The following STPG2 variants were observed in gnomAD, a reference collection of about 807,000 sequenced individuals.
STPG2 encodes the protein sperm-tail PG-rich repeat-containing protein 2.
A neutral mutation model predicts 54.2 loss-of-function variants in STPG2; 56 were observed. That is an observed-to-expected ratio of 1.03 (90% confidence interval 0.83 to 1.29). STPG2 has a LOEUF of 1.29. Ranked by LOEUF, STPG2 falls within the 50% of genes most tolerant of loss-of-function variation. The pLI, the probability that STPG2 is intolerant of heterozygous loss-of-function variation, is 0.00. For missense variants in STPG2, 596 were observed against 544.9 expected (o/e 1.09, Z -0.93); for synonymous variants, 200 against 181.8 (o/e 1.10, Z -0.81).
intron 8 of STPG2, among the ~76,000 whole-genome samples, chr4:97,876,262 T>C (rs760447465): frequency 1.2e-4 from 18 of 152,134 alleles, no homozygotes; most frequent in Non-Finnish European, 2.1e-4. Flanking sequence ...GTATTTACAA[T>C]GCACATTAGA....
At chr4:98,031,039 T>C (rs200849672) in intron 5 of STPG2, among the ~76,000 whole-genome samples, 1 of 152,108 alleles carries the variant, frequency 6.6e-6, no homozygotes, top group Non-Finnish European at 1.5e-5. Flanking sequence ...CAAAACAGCA[T>C]GGTACTGGTA....
At chr4:97,466,688 T>C (rs1414329263) in intron 4 of STPG2, among the ~76,000 whole-genome samples, 2 of 152,076 alleles carry the variant, frequency 1.3e-5, no homozygotes, top group Non-Finnish European at 2.9e-5. Flanking sequence ...TATTCATACC[T>C]TCCCAGAGTT....
At chr4:97,746,680 G>T (rs2149042167) in intron 9 of STPG2, among the ~76,000 whole-genome samples, 1 of 151,182 alleles carries the variant, frequency 6.6e-6, no homozygotes, top group Non-Finnish European at 1.5e-5. Context: ...GAAAGGAGGG[G>T]TTTAAGAGGT....
At chr4:97,869,888 T>C (rs1478719425) in intron 8 of STPG2, among the ~76,000 whole-genome samples, 1 of 151,590 alleles carries the variant, frequency 6.6e-6, no homozygotes, top group African/African-American at 2.4e-5. Context: ...TCACCAATAA[T>C]ATGACTTGCT....
chr4:97,991,472 T>C lies in STPG2; in HGVS notation c.613-10154A>G, dbSNP rs113544215. Among the ~76,000 whole-genome samples the C allele has an allele frequency of 5.3e-3, 794 of 150,782 alleles. 5 individuals carry two copies. Among genetic ancestry groups the C allele is most frequent in the African/African-American group, 0.018 (748 of 41,116 alleles). On this transcript the variant is annotated intron_variant, in intron 5 of 10. Coordinates refer to ENST00000295268, the MANE Select transcript of STPG2 (RefSeq NM_174952.3). ...GTGTGTGTGTGTGTATATATATATA[T>C]GTATATATACCACATTTTCTTTATC...
At chr4:97,591,462 G>T (rs1027433660) in intron 10 of STPG2, among the ~76,000 whole-genome samples, 3 of 152,152 alleles carry the variant, frequency 2.0e-5, no homozygotes, top group African/African-American at 7.2e-5. Flanking sequence ...AAGCAGACTT[G>T]CTTGATTTCT....
chr4:97,886,621 CTA>C (rs1370488385), intron 8 of STPG2, among the ~76,000 whole-genome samples: 1 of 152,146 alleles, frequency 6.6e-6, no homozygotes, highest in Non-Finnish European at 1.5e-5. Context: ...AAGGAAAAGA[CTA>C]TGCCTTCTTT....
rs543910818 is a variant in STPG2 at position 97,492,330 on chromosome 4, T to A, written c.462+220369A>T. Among the ~76,000 whole-genome samples, 5 of 151,580 alleles carry A rather than the reference T, an allele frequency of 3.3e-5. No homozygotes were observed. In the East Asian group the frequency reaches 9.7e-4, roughly 30 times the overall value. On this transcript the variant is annotated intron_variant, in intron 4 of 4. Transcript: ENST00000522676. ...CTTGCCAGTTTTGATCCCAGGAATGTCTTTCATGGGGACCTCTGAAAACAT... is the reference window on the plus strand; with the variant it reads ...CTTGCCAGTTTTGATCCCAGGAATGACTTTCATGGGGACCTCTGAAAACAT...
chr4:97,464,385 T>A (rs1219892632), intron 4 of STPG2, among the ~76,000 whole-genome samples: 3 of 152,128 alleles, frequency 2.0e-5, no homozygotes, highest in Non-Finnish European at 4.4e-5. Flanking sequence ...GTGCCACTGT[T>A]CATTCTGGAA....
At chr4:97,481,981 T>C (rs1730232888) in intron 4 of STPG2, among the ~76,000 whole-genome samples, 1 of 151,626 alleles carries the variant, frequency 6.6e-6, no homozygotes, top group Non-Finnish European at 1.5e-5. Context: ...AATCTTTTCG[T>C]ATAAATCATT....
chr4:97,635,596 G>A (rs1401031724), intron 10 of STPG2, among the ~76,000 whole-genome samples: 13 of 152,088 alleles, frequency 8.5e-5, no homozygotes, highest in Admixed American at 4.6e-4. Flanking sequence ...CAGGAAACCC[G>A]TCTCACGTGC....
chr4:98,005,441 G>T lies in STPG2; in HGVS notation c.613-24123C>A, dbSNP rs561859594. ...CAGTACTACATTAAATAGAAGTCAT[G>T]ATAATGAATATCCTTGTCTAGTTCT... is the stretch of plus-strand genomic sequence containing the variant. On this transcript the variant is annotated intron_variant, in intron 5 of 10. Transcript: ENST00000295268. Among the ~76,000 whole-genome samples the T allele has an allele frequency of 1.3e-5, 2 of 152,284 alleles. 1 individual carries two copies. Among genetic ancestry groups the T allele is most frequent in the South Asian group, 4.1e-4 (2 of 4,824 alleles).
chr4:97,605,438 T>C (rs1229894317), intron 10 of STPG2, among the ~76,000 whole-genome samples: 2 of 151,728 alleles, frequency 1.3e-5, no homozygotes, highest in Admixed American at 1.3e-4. Context: ...AAGTTTGTGC[T>C]AGTTGTCTAA....
intron 10 of STPG2, among the ~76,000 whole-genome samples, chr4:97,629,327 T>C (rs1578436209): frequency 6.6e-6 from 1 of 152,030 alleles, no homozygotes; most frequent in South Asian, 2.1e-4. Flanking sequence ...ATCAATGACT[T>C]TTATTAATAA....
At position 97,780,027 on chromosome 4, in the gene STPG2, G is replaced by T. The variant is rs560210936; in HGVS notation, c.1204+60746C>A. Among the ~76,000 whole-genome samples the T allele has an allele frequency of 8.7e-5, 13 of 148,586 alleles. 1 individual carries two copies. In the South Asian group the frequency reaches 2.8e-3, roughly 32 times the overall value. The stretch of plus-strand genomic sequence containing the variant: ...GCTAGGAAGAAACTGCATCAATAAC[G>T]AGCAAAATAACCAGCTAACATCAGA... On this transcript the variant is annotated intron_variant, in intron 9 of 10. Transcript: ENST00000295268.
intron 10 of STPG2, among the ~76,000 whole-genome samples, chr4:97,638,288 C>T (rs1218632827): frequency 6.6e-6 from 1 of 152,174 alleles, no homozygotes. Context: ...ACTGGCTAGC[C>T]ATATGTAGAA....
At chr4:97,566,389 C>T (rs567690477) in intron 10 of STPG2, among the ~76,000 whole-genome samples, 5 of 152,294 alleles carry the variant, frequency 3.3e-5, no homozygotes, top group African/African-American at 9.6e-5. Flanking sequence ...TTGCGCTTCC[C>T]GAGTGAGGCA....
At chr4:97,757,714 G>A (rs1725773944) in intron 9 of STPG2, among the ~76,000 whole-genome samples, 1 of 151,984 alleles carries the variant, frequency 6.6e-6, no homozygotes, top group Non-Finnish European at 1.5e-5. Context: ...ATTATTAACG[G>A]TCAGTAAGTT....
At chr4:97,862,630 C>G (rs918173455) in intron 8 of STPG2, among the ~76,000 whole-genome samples, 3 of 152,128 alleles carry the variant, frequency 2.0e-5, no homozygotes, top group African/African-American at 7.2e-5. Context: ...CACCCCAAAT[C>G]AAAAGAATAT....
Sources: allele counts gnomAD v4.1 joint callset (sites outside exome capture counted in the v4.1 genomes callset), GRCh38; gene constraint gnomAD v4.1.1; transcripts MANE v1.5; gene names NCBI Gene and HGNC (gene_info 2026-07-23, HGNC 2026-07-21).